UBL3: variants seen among roughly 807,000 people sequenced by gnomAD.
UBL3 encodes the protein ubiquitin-like protein 3.
Under a neutral mutation model 18.4 loss-of-function variants are expected in UBL3, and 6 were observed. The observed-to-expected ratio is 0.33, with a 90% CI of 0.18 to 0.64. The LOEUF is 0.64. Ranked by LOEUF, UBL3 falls within the 30% of genes least tolerant of loss-of-function variation. UBL3 has a pLI of 0.76. For synonymous variants in UBL3, 49 were observed against 46.6 expected (o/e 1.05, Z -0.21); for missense variants, 109 against 142.9 (o/e 0.76, Z 1.21).
At chr13:29,815,198 A>C (rs1361992053) in intron 1 of UBL3, among the ~76,000 whole-genome samples, 4 of 152,162 alleles carry the variant, frequency 2.6e-5, no homozygotes, top group Non-Finnish European at 4.4e-5. Context: ...AAGAGTGAGC[A>C]CCAATACAGA....
chr13:29,778,004 T>C (rs2139312635), intron 1 of UBL3, among the ~76,000 whole-genome samples: 1 of 152,294 alleles, frequency 6.6e-6, no homozygotes, highest in South Asian at 2.1e-4. Context: ...TGACCTCAAG[T>C]GATCTGCCCA....
chr13:29,774,904 T>C (rs187258419), intron 2 of UBL3, among the ~76,000 whole-genome samples: 63 of 152,322 alleles, frequency 4.1e-4, no homozygotes, highest in Non-Finnish European at 7.4e-5. Flanking sequence ...ATTAAATTTA[T>C]GACTGTACTG....
chr13:29,811,194 C>T (rs758350784), intron 1 of UBL3, among the ~76,000 whole-genome samples: 2 of 152,020 alleles, frequency 1.3e-5, no homozygotes, highest in South Asian at 2.1e-4. Flanking sequence ...ACTGGTCCCT[C>T]GAGGGTACTT....
chr13:29,788,878 CGCGCGCACGCGCACGTGTGT>C lies in UBL3; in HGVS notation c.28-11635_28-11616del, dbSNP rs1318932590. ...GTGTGTGTGTGTGTGTGTGCGCGCGCGCGCGCACGCGCACGTGTGTGCGTGTGTGTGTGTGTTTGAGACGG... is the reference window on the plus strand; with the variant it reads ...GTGTGTGTGTGTGTGTGTGCGCGCGCGCGTGTGTGTGTGTGTTTGAGACGG... On this transcript the variant is annotated intron_variant, in intron 1 of 4. Transcript: ENST00000380680. Among the ~76,000 whole-genome samples, 52 of 30,930 alleles carry C rather than the reference CGCGCGCACGCGCACGTGTGT, an allele frequency of 1.7e-3. No individual in the cohort carries two copies. In the East Asian group the frequency reaches 0.018, roughly 11 times the overall value. 20.3% of individuals were successfully genotyped at this position (30,930 alleles called of 152,430 possible).
At chr13:29,807,048 T>C (rs1431832200) in intron 1 of UBL3, among the ~76,000 whole-genome samples, 3 of 152,160 alleles carry the variant, frequency 2.0e-5, no homozygotes, top group Non-Finnish European at 4.4e-5. Flanking sequence ...GAAAGAGTAA[T>C]GATACCAAAA....
In UBL3 at chr13:29,846,255, A is replaced by T. The variant is rs146093205; in HGVS notation, c.27+3257T>A. Reference sequence around the variant, plus strand: ...CAGATTTTTTCACAAATAAGTTACTACACTAAGATGTTATTAAATCTAGTT... The same window carrying T: ...CAGATTTTTTCACAAATAAGTTACTTCACTAAGATGTTATTAAATCTAGTT... On this transcript the variant is annotated intron_variant, in intron 1 of 4. Coordinates refer to ENST00000380680, the MANE Select transcript of UBL3 (RefSeq NM_007106.4). 1.3e-3 allele frequency among the ~76,000 whole-genome samples: 200 copies of T among 152,274 alleles called. No homozygotes were observed. The Middle Eastern group carries it at 0.014, about 10-fold the overall frequency.
chr13:29,779,150 C>G (rs967204861), intron 1 of UBL3: 1 of 450,598 alleles, frequency 2.2e-6, no homozygotes, highest in Non-Finnish European at 4.4e-6. Flanking sequence ...GAAAGTACCA[C>G]CTTGTTTATT....
intron 1 of UBL3, among the ~76,000 whole-genome samples, chr13:29,787,227 A>G (rs570266679): frequency 6.6e-6 from 1 of 152,080 alleles, no homozygotes; most frequent in African/African-American, 2.4e-5. Flanking sequence ...TTATAAATAC[A>G]TTTCAGAATC....
rs1004331340 is a variant in UBL3, at chr13:29,831,544, C to T, written c.27+17968G>A. On this transcript the variant is annotated intron_variant, in intron 1 of 4. Transcript: ENST00000380680. ...CGGAGGTTGCGGTGAGCCAAGATCGCGTCATTGTACTCCAGCCTGGGCAAC... is the reference window on the plus strand; with the variant it reads ...CGGAGGTTGCGGTGAGCCAAGATCGTGTCATTGTACTCCAGCCTGGGCAAC... Among the ~76,000 whole-genome samples, 3 of 148,710 alleles carry T rather than the reference C, an allele frequency of 2.0e-5. No homozygotes were observed. In the East Asian group the frequency reaches 5.9e-4, roughly 29 times the overall value.
At chr13:29,835,184 A>ATATATCTC (rs1566001185) in intron 1 of UBL3, among the ~76,000 whole-genome samples, 1 of 89,598 alleles carries the variant, frequency 1.1e-5, no homozygotes, top group East Asian at 3.5e-4. Context: ...ATATATATAT[A>ATATATCTC]TCTCCACCCT....
At chr13:29,804,976 C>A (rs1279131514) in intron 1 of UBL3, among the ~76,000 whole-genome samples, 1 of 152,108 alleles carries the variant, frequency 6.6e-6, no homozygotes, top group African/African-American at 2.4e-5. Context: ...AATACACATG[C>A]ACATATATAT....
In UBL3 at chr13:29,766,378, A is replaced by C. The variant is rs1876681723; in HGVS notation, c.*877T>G. On this transcript the variant is annotated 3_prime_UTR_variant, in exon 5 of 5. Coordinates refer to ENST00000380680, the MANE Select transcript of UBL3 (RefSeq NM_007106.4). ...CTGGATGTGGTTACAAATTAATGAT[A>C]ATTATGGAAAATTTCAATTTGCTGA... 1 of 152,538 alleles carries C rather than the reference A, an allele frequency of 6.6e-6. No homozygotes were observed. The highest frequency in any genetic ancestry group is 6.6e-5 in the Admixed American group (1 of 15,264). The allele number at this position is 152,538 out of a possible 1,614,324, so 9.4% of individuals were successfully genotyped here. A position where few individuals can be genotyped will look rare whatever the true frequency, so the allele number is the denominator to read the frequency against.
At chr13:29,776,234 TTTTTTTTTC>T (rs773316521) in intron 2 of UBL3, among the ~76,000 whole-genome samples, 47 of 141,972 alleles carry the variant, frequency 3.3e-4, no homozygotes, top group East Asian at 1.0e-3. Flanking sequence ...CTATTTTGTG[TTTTTTTTTC>T]TTTTTTTTCT....
intron 1 of UBL3, among the ~76,000 whole-genome samples, chr13:29,828,717 G>A (rs748332129): frequency 2.6e-5 from 4 of 152,318 alleles, no homozygotes; most frequent in East Asian, 3.9e-4. Context: ...CCTTGCTGGC[G>A]AGGAGCTGCA....
intron 1 of UBL3, among the ~76,000 whole-genome samples, chr13:29,784,966 C>A (rs1029624238): frequency 2.0e-5 from 3 of 152,168 alleles, no homozygotes; most frequent in Non-Finnish European, 4.4e-5. Flanking sequence ...AGTGCAGTGG[C>A]GGGATCTCGG....
chr13:29,799,992 A>C (rs761935949), intron 1 of UBL3, among the ~76,000 whole-genome samples: 22 of 152,188 alleles, frequency 1.4e-4, no homozygotes, highest in Non-Finnish European at 2.4e-4. Context: ...GGCAGAACCA[A>C]TGGACTGAGA....
At position 29,849,619 on chromosome 13, in the gene UBL3, T is replaced by TAC; in HGVS notation, c.-82_-81insGT. 1 of 1,564,136 alleles carries TAC rather than the reference T, an allele frequency of 6.4e-7. No homozygotes were observed. On this transcript the variant is annotated 5_prime_UTR_variant, in exon 1 of 5. Coordinates refer to ENST00000380680, the MANE Select transcript of UBL3 (RefSeq NM_007106.4). ...AGCAGAAGTCTTCACGTTACAGAAA[T>TAC]AAACCACGATTTTGACTGGTTCGTG...
At chr13:29,776,222 C>A (rs1384514159) in intron 2 of UBL3, among the ~76,000 whole-genome samples, 1 of 146,876 alleles carries the variant, frequency 6.8e-6, no homozygotes, top group Non-Finnish European at 1.5e-5. Context: ...TGTGTATATT[C>A]ACTATTTTGT....
At chr13:29,767,548 G>GA in intron 4 of UBL3, 70 bp downstream of exon 4, 1 of 1,541,960 alleles carries the variant, frequency 6.5e-7, no homozygotes, top group Non-Finnish European at 8.9e-7. Context: ...GCATATCCAA[G>GA]AAAAACCTAG....
Sources: allele counts gnomAD v4.1 joint callset (sites outside exome capture counted in the v4.1 genomes callset), GRCh38; gene constraint gnomAD v4.1.1; transcripts MANE v1.5; gene names NCBI Gene and HGNC (gene_info 2026-07-23, HGNC 2026-07-21).